MAP2: variants seen among roughly 807,000 people sequenced by gnomAD.
MAP2 encodes the protein microtubule associated protein 2.
In MAP2, 14 loss-of-function variants were observed where a neutral mutation model predicts 137.6. The observed-to-expected ratio is 0.10, with a 90% confidence interval of 0.07 to 0.16. MAP2 has a LOEUF of 0.16. Among genes scored for constraint, MAP2 ranks in the 10% least tolerant of loss-of-function variants. MAP2 has a pLI of 1.00. For missense variants in MAP2, 2,088 were observed against 2,191.5 expected, an observed-to-expected ratio of 0.95 and a Z score of 0.94; for synonymous variants, 786 against 782.3, an observed-to-expected ratio of 1.00 and a Z score of -0.08.
At chr2:209,612,224 T>A (rs1035033767) in intron 3 of MAP2, among the ~76,000 whole-genome samples, 1 of 152,232 alleles carries the variant, frequency 6.6e-6, no homozygotes. Flanking sequence ...AAAGAGCTCT[T>A]TGCCAATATA....
chr2:209,431,468 A>C (rs980968717), intron 1 of MAP2, among the ~76,000 whole-genome samples: 11 of 152,186 alleles, frequency 7.2e-5, no homozygotes, highest in African/African-American at 2.4e-4. Flanking sequence ...CCTCTGCCCC[A>C]TCACTGAAAA....
At chr2:209,456,444 C>T (rs1389935405) in intron 1 of MAP2, among the ~76,000 whole-genome samples, 1 of 152,180 alleles carries the variant, frequency 6.6e-6, no homozygotes, top group Non-Finnish European at 1.5e-5. Flanking sequence ...AGGCCTCTTG[C>T]TCTGAAGCAG....
chr2:209,716,863 GATAGTAGTTAT>G (rs1328946964), intron 13 of MAP2, among the ~76,000 whole-genome samples: 1 of 152,078 alleles, frequency 6.6e-6, no homozygotes, highest in Non-Finnish European at 1.5e-5. Context: ...CTTGGAGCAT[GATAGTAGTTAT>G]GCATTACAGT....
intron 3 of MAP2, among the ~76,000 whole-genome samples, chr2:209,585,370 T>C (rs2077443552): frequency 6.6e-6 from 1 of 152,086 alleles, no homozygotes; most frequent in Admixed American, 6.6e-5. Flanking sequence ...GCTGGGAGTA[T>C]TATTTATTTC....
At chr2:209,624,059 T>C (rs1275036604) in intron 3 of MAP2, among the ~76,000 whole-genome samples, 1 of 152,160 alleles carries the variant, frequency 6.6e-6, no homozygotes, top group East Asian at 1.9e-4. Flanking sequence ...TCTGCTCATA[T>C]CCATATACAC....
In MAP2 at chr2:209,692,703, A is replaced by G. The variant is rs1408151010; in HGVS notation, c.533A>G (p.Lys178Arg). 1.2e-6 allele frequency: 2 copies of G among 1,613,758 alleles called. No homozygotes were observed. Among genetic ancestry groups the G allele is most frequent in the Non-Finnish European group, 1.7e-6 (2 of 1,179,904 alleles). The change falls in exon 8 of 16, where the codon AAG (lysine) becomes AGG (arginine). Residue 178 changes from lysine (K) to arginine (R), a missense_variant. Around this residue, in one of 6 missense-constraint regions of MAP2, gnomAD observed 859 missense variants for 794.5 expected, o/e 1.08. Transcript: ENST00000682079. ...TCTACAGCTGAGCCTTCAGACCAGA[A>G]GGAAAAGGAGTCAGAGAAGCAAAGT... ...TPSTAEPSDQKEKESEKQSKP... is the reference protein window; with the variant it reads ...TPSTAEPSDQREKESEKQSKP...
chr2:209,630,595 G>A (rs1339548613), intron 4 of MAP2, among the ~76,000 whole-genome samples: 1 of 151,926 alleles, frequency 6.6e-6, no homozygotes, highest in Non-Finnish European at 1.5e-5. Flanking sequence ...AAAATCTCAT[G>A]GTACAGTTTA....
chr2:209,691,189 T>C (rs1463292943), intron 7 of MAP2, among the ~76,000 whole-genome samples: 4 of 151,920 alleles, frequency 2.6e-5, no homozygotes, highest in African/African-American at 9.7e-5. Context: ...AATACATGTA[T>C]ATTTTTGTTT....
intron 4 of MAP2, among the ~76,000 whole-genome samples, chr2:209,650,428 T>C (rs575547883): frequency 1.3e-5 from 2 of 152,276 alleles, no homozygotes; most frequent in East Asian, 3.9e-4. Context: ...TTTACTTCTG[T>C]GGTCTTCCTC....
intron 4 of MAP2, among the ~76,000 whole-genome samples, chr2:209,641,956 T>C (rs1466059599): frequency 1.3e-5 from 2 of 152,174 alleles, no homozygotes; most frequent in Non-Finnish European, 2.9e-5. Flanking sequence ...ATTCTCTTTT[T>C]AGCTCTAACC....
At chr2:209,635,429 T>C (rs544059187) in intron 4 of MAP2, among the ~76,000 whole-genome samples, 5 of 152,268 alleles carry the variant, frequency 3.3e-5, no homozygotes, top group African/African-American at 1.2e-4. Flanking sequence ...AAAAAAACCC[T>C]GAGTTGATGC....
chr2:209,576,689 T>C (rs570462085), intron 2 of MAP2, among the ~76,000 whole-genome samples: 3 of 152,172 alleles, frequency 2.0e-5, no homozygotes, highest in Non-Finnish European at 2.9e-5. Context: ...ATGGTGGTAA[T>C]CCAAGGTCTA....
chr2:209,435,425 C>T (rs1695679262), intron 1 of MAP2, among the ~76,000 whole-genome samples: 1 of 151,618 alleles, frequency 6.6e-6, no homozygotes, highest in Non-Finnish European at 1.5e-5. Flanking sequence ...ATCAAAGGCA[C>T]TGAGGACAAT....
intron 1 of MAP2, among the ~76,000 whole-genome samples, chr2:209,503,510 A>G (rs551874026): frequency 3.3e-5 from 5 of 151,598 alleles, no homozygotes; most frequent in South Asian, 2.1e-4. Context: ...CTTATTCCCT[A>G]TGTTTTCTTC....
intron 2 of MAP2, among the ~76,000 whole-genome samples, chr2:209,543,011 A>T (rs1170180965): frequency 1.3e-5 from 2 of 152,186 alleles, no homozygotes; most frequent in Non-Finnish European, 2.9e-5. Flanking sequence ...CTGTTGGCCT[A>T]TTTCAGTTTT....
chr2:209,515,355 A>G (rs965349304), intron 2 of MAP2, among the ~76,000 whole-genome samples: 1 of 152,116 alleles, frequency 6.6e-6, no homozygotes. Flanking sequence ...TCACACTGCT[A>G]TGAAGAACTT....
chr2:209,530,675 G>A (rs2064977007), intron 2 of MAP2, among the ~76,000 whole-genome samples: 2 of 152,142 alleles, frequency 1.3e-5, no homozygotes, highest in Admixed American at 1.3e-4. Flanking sequence ...AAATATTTAT[G>A]AAGTTCCTGG....
At chr2:209,490,107 G>C (rs957593172) in intron 1 of MAP2, among the ~76,000 whole-genome samples, 1 of 152,172 alleles carries the variant, frequency 6.6e-6, no homozygotes, top group Non-Finnish European at 1.5e-5. Context: ...AGCCAGAAGA[G>C]AGCGGGGGAA....
Position 209,653,244 on chromosome 2 carries a change from A to T in MAP2, c.74A>T (p.His25Leu), listed in dbSNP as rs951276408. ...TSAPLTEASA[H>L]SHPPEIKDQG... Reference sequence around the variant, plus strand: ...GCACCGCTAACAGAGGCATCTGCACACTCACATCCACCTGAGATTAAGGAT... The same window carrying T: ...GCACCGCTAACAGAGGCATCTGCACTCTCACATCCACCTGAGATTAAGGAT... The change falls in exon 5 of 16, where the codon CAC becomes CTC. Residue 25 changes from histidine to leucine, a missense_variant. Transcript: ENST00000682079. 3 of 1,613,980 alleles carry T rather than the reference A, an allele frequency of 1.9e-6. No individual in the cohort carries two copies. The highest frequency in any genetic ancestry group is 2.5e-6 in the Non-Finnish European group (3 of 1,180,008).
Sources: allele counts gnomAD v4.1 joint callset (sites outside exome capture counted in the v4.1 genomes callset), GRCh38; gene constraint gnomAD v4.1.1; regional missense constraint gnomAD v4.1.1; transcripts MANE v1.5; gene names NCBI Gene and HGNC (gene_info 2026-07-23, HGNC 2026-07-21).